Variants in MAF observed in about 807,000 individuals in gnomAD.
MAF encodes the protein transcription factor Maf.
Under a neutral mutation model 22.0 loss-of-function variants are expected in MAF, and 10 were observed. The observed-to-expected ratio is 0.45, with a 90% confidence interval of 0.28 to 0.77. The LOEUF (loss-of-function observed/expected upper bound fraction) is 0.77, where lower values mean the gene tolerates loss of function less well. MAF is among the 30% of genes least tolerant of loss of function. The probability of loss-of-function intolerance (pLI) is 0.12; values close to 1 mark genes in which losing one functional copy is unlikely to be tolerated. For missense variants in MAF, 544 were observed against 548.4 expected (o/e 0.99, Z 0.08); for synonymous variants, 337 against 255.8 (o/e 1.32, Z -3.03).
At chr16:79,502,164 C>G in the MAF span, among the ~76,000 whole-genome samples, 1 of 152,226 alleles carries the variant, frequency 6.6e-6, no homozygotes, top group Non-Finnish European at 1.5e-5. Context: ...CAGAAGGACT[C>G]AGAAAGGTAC....
chr16:79,450,580 T>A, the MAF span, among the ~76,000 whole-genome samples: 1 of 152,198 alleles, frequency 6.6e-6, no homozygotes, highest in Non-Finnish European at 1.5e-5. Flanking sequence ...AGATATTGTA[T>A]TGTGATTCCT....
At chr16:79,210,618 A>C in the MAF span, among the ~76,000 whole-genome samples, 1 of 152,190 alleles carries the variant, frequency 6.6e-6, no homozygotes, top group East Asian at 1.9e-4. Context: ...GCTCTGAAAC[A>C]CATAAATAAT....
chr16:79,418,182 A>T, the MAF span, among the ~76,000 whole-genome samples: 2 of 152,208 alleles, frequency 1.3e-5, no homozygotes, highest in Non-Finnish European at 2.9e-5. Context: ...CACAGGCTCC[A>T]GCGCGGCTGG....
At chr16:79,310,778 G>A in the MAF span, among the ~76,000 whole-genome samples, 2 of 152,216 alleles carry the variant, frequency 1.3e-5, no homozygotes, top group African/African-American at 4.8e-5. Flanking sequence ...CTCAGCTCCT[G>A]CTGCTAAAAG....
At chr16:79,432,297 G>C in the MAF span, among the ~76,000 whole-genome samples, 5 of 152,136 alleles carry the variant, frequency 3.3e-5, no homozygotes, top group African/African-American at 2.4e-5. Flanking sequence ...ATGCGGATCT[G>C]TGGGTCAATG....
chr16:79,494,221 C>T, the MAF span, among the ~76,000 whole-genome samples: 2 of 152,258 alleles, frequency 1.3e-5, no homozygotes, highest in South Asian at 2.1e-4. Flanking sequence ...ATGACTCTCA[C>T]CTAATGAAAG....
chr16:79,278,392 T>G, the MAF span, among the ~76,000 whole-genome samples: 4 of 152,268 alleles, frequency 2.6e-5, no homozygotes, highest in African/African-American at 7.2e-5. Flanking sequence ...GAAATCCCTG[T>G]GACTTGCCAG....
chr16:79,593,549 A>G (rs958116256), downstream of MAF, among the ~76,000 whole-genome samples: 4 of 152,198 alleles, frequency 2.6e-5, no homozygotes, highest in Non-Finnish European at 5.9e-5. Context: ...ATTCAGTAAT[A>G]AACAGCATTT....
the MAF span, among the ~76,000 whole-genome samples, chr16:79,399,582 C>G: frequency 1.2e-4 from 18 of 152,288 alleles, no homozygotes; most frequent in African/African-American, 4.3e-4. Flanking sequence ...TTTAAAAAAT[C>G]AGGGGCTTGT....
At chr16:79,370,888 C>A in the MAF span, among the ~76,000 whole-genome samples, 1 of 152,122 alleles carries the variant, frequency 6.6e-6, no homozygotes, top group Non-Finnish European at 1.5e-5. Flanking sequence ...CCGAACCACA[C>A]CTTCCTGACG....
chr16:79,339,580 G>C, the MAF span, among the ~76,000 whole-genome samples: 2 of 152,154 alleles, frequency 1.3e-5, no homozygotes, highest in East Asian at 3.9e-4. Context: ...AAATTTTGAG[G>C]TTTGTTTTTT....
At chr16:79,354,694 T>C in the MAF span, among the ~76,000 whole-genome samples, 1 of 152,196 alleles carries the variant, frequency 6.6e-6, no homozygotes, top group Non-Finnish European at 1.5e-5. Flanking sequence ...GGAAAAACTG[T>C]CCTGCAGGAC....
At chr16:79,498,434 T>C in the MAF span, among the ~76,000 whole-genome samples, 93 of 152,332 alleles carry the variant, frequency 6.1e-4, no homozygotes, top group Middle Eastern at 6.8e-3. Context: ...TTTTCAACAG[T>C]TGAAAAACTC....
the MAF span, among the ~76,000 whole-genome samples, chr16:79,355,889 T>C: frequency 1.3e-5 from 2 of 152,110 alleles, no homozygotes; most frequent in African/African-American, 2.4e-5. Flanking sequence ...TCTTTCCAAA[T>C]TGAACGTACA....
the MAF span, among the ~76,000 whole-genome samples, chr16:79,432,136 G>A: frequency 6.6e-6 from 1 of 152,168 alleles, no homozygotes; most frequent in Non-Finnish European, 1.5e-5. Context: ...TTTCCCCCAT[G>A]CTGTTCCACT....
At chr16:79,231,003 A>C in the MAF span, among the ~76,000 whole-genome samples, 2 of 152,088 alleles carry the variant, frequency 1.3e-5, no homozygotes, top group African/African-American at 4.8e-5. Context: ...GTCAGGTTCA[A>C]ATATCTATTT....
chr16:79,488,835 G>T, the MAF span, among the ~76,000 whole-genome samples: 609 of 152,212 alleles, frequency 4.0e-3, 8 homozygotes, highest in African/African-American at 0.014. Context: ...TCCCTTGAAC[G>T]TCACCTCAAT....
chr16:79,497,094 C>G, the MAF span, among the ~76,000 whole-genome samples: 3 of 152,134 alleles, frequency 2.0e-5, no homozygotes, highest in Admixed American at 2.0e-4. Flanking sequence ...AGTGTCTCCA[C>G]CAAAATGCAA....
the MAF span, among the ~76,000 whole-genome samples, chr16:79,498,664 T>A: frequency 1.3e-5 from 2 of 152,206 alleles, no homozygotes; most frequent in African/African-American, 4.8e-5. Flanking sequence ...GTTAAGTACC[T>A]AGCTGAAGTT....
Sources: allele counts gnomAD v4.1 joint callset (sites outside exome capture counted in the v4.1 genomes callset), GRCh38; gene constraint gnomAD v4.1.1; transcripts MANE v1.5; gene names NCBI Gene and HGNC (gene_info 2026-07-23, HGNC 2026-07-21).